The following USP49 variants were observed in gnomAD, a reference collection of about 807,000 sequenced individuals.
USP49 encodes ubiquitin carboxyl-terminal hydrolase 49.
A neutral mutation model predicts 58.6 loss-of-function variants in USP49; 24 were observed. That is an observed-to-expected ratio of 0.41 (90% CI 0.30 to 0.58). The LOEUF (loss-of-function observed/expected upper bound fraction) is 0.58, where lower values mean the gene tolerates loss of function less well. USP49 is among the 20% of genes least tolerant of loss of function. The probability of loss-of-function intolerance (pLI) is 0.30; values close to 1 mark genes in which losing one functional copy is unlikely to be tolerated. For missense variants in USP49, 703 were observed against 866.1 expected, an observed-to-expected ratio of 0.81 and a Z score of 2.36; for synonymous variants, 408 against 365.1, an observed-to-expected ratio of 1.12 and a Z score of -1.34.
intron 2 of USP49, among the ~76,000 whole-genome samples, chr6:41,878,744 ATATT>A (rs1774547677): frequency 6.6e-6 from 1 of 152,218 alleles, no homozygotes; most frequent in Non-Finnish European, 1.5e-5. Context: ...ACATTTATGA[ATATT>A]TATTATACTT....
intron 2 of USP49, among the ~76,000 whole-genome samples, chr6:41,877,947 G>C (rs35793815): frequency 0.056 from 8,532 of 151,896 alleles, 425 homozygotes; most frequent in Admixed American, 0.12. Flanking sequence ...TTTTTTTAGA[G>C]ACAGAGTCTC....
chr6:41,843,185 CT>C (rs1187877612), intron 3 of USP49, among the ~76,000 whole-genome samples: 1 of 152,174 alleles, frequency 6.6e-6, no homozygotes, highest in Non-Finnish European at 1.5e-5. Context: ...AAGTATGTGT[CT>C]TCTTATCCTA....
In USP49 at chr6:41,800,996, G is replaced by C. The variant is rs886680659; in HGVS notation, c.1562-1058C>G. Among the ~76,000 whole-genome samples, 7 of 152,210 alleles carry C rather than the reference G, an allele frequency of 4.6e-5. No homozygotes were observed. The South Asian group carries it at 1.0e-3, about 22-fold the overall frequency. ...TCAGTCTCTAATTTTGTTTCTAACT[G>C]TGGGGGAAATGCATTTCTCGAAGTC... On this transcript the variant is annotated intron_variant, in intron 5 of 7. Transcript: ENST00000682992.
At chr6:41,802,479 A>ATTTT (rs11323812) in intron 5 of USP49, among the ~76,000 whole-genome samples, 1 of 79,778 alleles carries the variant, frequency 1.3e-5, no homozygotes, top group African/African-American at 5.1e-5. Context: ...TTTTTTATTT[A>ATTTT]TTTTTTTTTT....
Position 41,806,319 on chromosome 6 carries a change from G to A in USP49, c.665C>T (p.Ala222Val). The change falls in exon 4 of 8, where the codon GCT (alanine) becomes GTT (valine). Residue 222 changes from alanine (A) to valine (V), a missense_variant. Coordinates refer to ENST00000682992, the MANE Select transcript of USP49 (RefSeq NM_001286554.2). This position sits in a 1 kb window ranked among gnomAD's most constrained non-coding sequence, Gnocchi z 5.9. ...AGGGAGGGCGGCGGGGCGCGAGGCA[G>A]CCGGGCCCGCGTCGCGGGGCGTGTG... ...LLHTPRDAGP[A>V]ASRPAALPTS... 6.4e-7 allele frequency: 1 copy of A among 1,553,784 alleles called. No homozygotes were observed. The highest frequency in any genetic ancestry group is 1.2e-5 in the South Asian group (1 of 84,032).
intron 2 of USP49, among the ~76,000 whole-genome samples, chr6:41,872,296 C>A (rs1307655029): frequency 1.3e-5 from 2 of 152,212 alleles, no homozygotes; most frequent in African/African-American, 2.4e-5. Flanking sequence ...AAAGAAAATT[C>A]TCTATTGTGT....
intron 3 of USP49, among the ~76,000 whole-genome samples, chr6:41,829,331 T>A (rs981207689): frequency 6.6e-6 from 1 of 151,940 alleles, no homozygotes; most frequent in Non-Finnish European, 1.5e-5. Context: ...TTTTTTTTTT[T>A]AAGATGGTGT....
chr6:41,874,651 C>G (rs904713581), intron 2 of USP49, among the ~76,000 whole-genome samples: 22 of 152,148 alleles, frequency 1.4e-4, no homozygotes, highest in Admixed American at 1.4e-3. Context: ...AGGATTCAAA[C>G]CCAGGTTTCT....
chr6:41,826,729 G>C (rs947388481), intron 3 of USP49, among the ~76,000 whole-genome samples: 1 of 152,062 alleles, frequency 6.6e-6, no homozygotes, highest in African/African-American at 2.4e-5. Flanking sequence ...CAGAGTTCTG[G>C]GGCCCCCCAA....
intron 2 of USP49, among the ~76,000 whole-genome samples, chr6:41,873,728 C>T (rs921051399): frequency 1.3e-5 from 2 of 152,148 alleles, no homozygotes; most frequent in Non-Finnish European, 2.9e-5. Flanking sequence ...ACCTAGGACA[C>T]GTATGTAACC....
At chr6:41,846,611 C>T (rs1170711779) in intron 3 of USP49, among the ~76,000 whole-genome samples, 1 of 152,110 alleles carries the variant, frequency 6.6e-6, no homozygotes, top group Non-Finnish European at 1.5e-5. Context: ...ACCAGAATAC[C>T]TTTGTGAGAG....
intron 3 of USP49, among the ~76,000 whole-genome samples, chr6:41,820,808 T>C (rs1488590265): frequency 1.2e-4 from 18 of 152,136 alleles, no homozygotes; most frequent in Admixed American, 1.2e-3. Flanking sequence ...AAGACCAGCC[T>C]GGACAATATG....
chr6:41,894,601 T>C, intron 1 of USP49: 1 of 152,884 alleles, frequency 6.5e-6, no homozygotes, highest in Non-Finnish European at 1.5e-5. Flanking sequence ...TCACTCTCTC[T>C]TTCCTACTCC....
chr6:41,888,782 T>C (rs1214521156), intron 2 of USP49, among the ~76,000 whole-genome samples: 3 of 152,038 alleles, frequency 2.0e-5, no homozygotes, highest in Non-Finnish European at 2.9e-5. Flanking sequence ...TTTGTCAGAA[T>C]ACAGTTAATA....
At chr6:41,872,037 A>G (rs1423751098) in intron 2 of USP49, among the ~76,000 whole-genome samples, 2 of 152,406 alleles carry the variant, frequency 1.3e-5, no homozygotes, top group Middle Eastern at 3.4e-3. Flanking sequence ...AGCAAAATAT[A>G]TAACAAGATG....
intron 2 of USP49, among the ~76,000 whole-genome samples, chr6:41,890,814 G>GA (rs1774799317): frequency 1.3e-5 from 2 of 152,232 alleles, no homozygotes; most frequent in South Asian, 2.1e-4. Flanking sequence ...TCTGAAATCA[G>GA]AAAAAATCCA....
chr6:41,857,339 T>A (rs1371844027), intron 3 of USP49, among the ~76,000 whole-genome samples: 1 of 152,220 alleles, frequency 6.6e-6, no homozygotes, highest in Non-Finnish European at 1.5e-5. Context: ...TAACCCTCTT[T>A]GTATCTTACT....
intron 3 of USP49, among the ~76,000 whole-genome samples, chr6:41,814,269 ATAG>A (rs997019307): frequency 1.5e-4 from 23 of 152,034 alleles, no homozygotes; most frequent in Non-Finnish European, 2.6e-4. Context: ...TTTAATTGCC[ATAG>A]TAGTTTTATT....
chr6:41,807,631 G>A (rs1451660179), intron 3 of USP49, among the ~76,000 whole-genome samples: 1 of 151,826 alleles, frequency 6.6e-6, no homozygotes, highest in African/African-American at 2.4e-5. Context: ...TAGTAGAGAC[G>A]GGGTTTCAAC....
Sources: allele counts gnomAD v4.1 joint callset (sites outside exome capture counted in the v4.1 genomes callset), GRCh38; gene constraint gnomAD v4.1.1; non-coding constraint Gnocchi (gnomAD v3.1); transcripts MANE v1.5; gene names NCBI Gene and HGNC (gene_info 2026-07-23, HGNC 2026-07-21).